TESC: variants seen among roughly 807,000 people sequenced by gnomAD.
TESC encodes the protein calcineurin B homologous protein 3.
In TESC, 19 loss-of-function variants were observed where a neutral mutation model predicts 31.0. That is an observed-to-expected ratio of 0.61 (90% CI 0.43 to 0.90). TESC has a LOEUF of 0.90. Among genes scored for constraint, TESC ranks in the 40% least tolerant of loss-of-function variants. The pLI is 0.00. For synonymous variants in TESC, 109 were observed against 114.8 expected (o/e 0.95, Z 0.32); for missense variants, 248 against 303.8 (o/e 0.82, Z 1.36).
chr12:117,053,684 G>A (rs1434689250), intron 3 of TESC, among the ~76,000 whole-genome samples: 1 of 152,126 alleles, frequency 6.6e-6, no homozygotes, highest in Admixed American at 6.5e-5. Flanking sequence ...CTGGAAACAA[G>A]CCTCGTGCCT....
chr12:117,046,924 G>T lies in TESC; in HGVS notation c.350-86C>A, dbSNP rs1954575795. 3 of 1,416,316 alleles carry T rather than the reference G, an allele frequency of 2.1e-6. No homozygotes were observed. In the South Asian group the frequency reaches 3.7e-5, roughly 17 times the overall value. The allele number at this position is 1,416,316 out of a possible 1,614,324, so 87.7% of individuals were successfully genotyped here. ...GAAATGTACACTAAACTAAGCAAAA[G>T]ACACCAATAACCAAACCTCAATGCC... On this transcript the variant is annotated intron_variant, in intron 4 of 7. Coordinates refer to ENST00000335209, the MANE Select transcript of TESC (RefSeq NM_017899.4).
chr12:117,089,611 T>C (rs540154127), intron 1 of TESC, among the ~76,000 whole-genome samples: 3 of 152,310 alleles, frequency 2.0e-5, no homozygotes, highest in African/African-American at 7.2e-5. Context: ...TTATAAGTCA[T>C]TGCAATTTTT....
chr12:117,096,954 G>T (rs1955404581), intron 1 of TESC, among the ~76,000 whole-genome samples: 1 of 152,148 alleles, frequency 6.6e-6, no homozygotes, highest in African/African-American at 2.4e-5. Flanking sequence ...TCCTCAGGGA[G>T]GACCTCCGGA....
Position 117,086,268 on chromosome 12 carries a change from A to ATTT in TESC, c.59-10931_59-10929dup, listed in dbSNP as rs113210754. Among the ~76,000 whole-genome samples, 512 of 148,130 alleles carry ATTT rather than the reference A, an allele frequency of 3.5e-3. 4 individuals carry two copies. The highest frequency in any genetic ancestry group is 0.012 in the African/African-American group (491 of 40,412). On this transcript the variant is annotated intron_variant, in intron 1 of 7. Transcript: ENST00000335209. ...TAATGCCAATGAATTATACACTTTA[A>ATTT]TTTTTTTTTTTTTAATAGGGATGGG...
At chr12:117,051,811 C>T (rs998696757) in intron 3 of TESC, among the ~76,000 whole-genome samples, 1 of 152,164 alleles carries the variant, frequency 6.6e-6, no homozygotes, top group Non-Finnish European at 1.5e-5. Flanking sequence ...TCCGAGTGCT[C>T]CCGCAGGTCT....
chr12:117,055,059 A>G (rs16947281), intron 3 of TESC, among the ~76,000 whole-genome samples: 46,948 of 152,006 alleles, frequency 0.31, 10,692 homozygotes, highest in African/African-American at 0.65. Context: ...CACTGGCCAA[A>G]GTGCACACCT....
chr12:117,056,756 C>G, intron 3 of TESC, 50 bp downstream of exon 3: 1 of 1,580,146 alleles, frequency 6.3e-7, no homozygotes, highest in South Asian at 1.1e-5. Context: ...CGAGATGTTA[C>G]ACAAGACAAG....
intron 4 of TESC, 120 bp downstream of exon 4, chr12:117,048,890 CCCAAGCCCT>C (rs1369376098): frequency 1.2e-5 from 17 of 1,457,200 alleles, no homozygotes; most frequent in South Asian, 2.4e-5. Context: ...GGCTGGTGGC[CCCAAGCCCT>C]CCAAGCCCCC....
At chr12:117,066,852 C>T (rs1322746157) in intron 2 of TESC, among the ~76,000 whole-genome samples, 1 of 152,112 alleles carries the variant, frequency 6.6e-6, no homozygotes, top group Non-Finnish European at 1.5e-5. Flanking sequence ...CATTTGCAGG[C>T]TTGTAAGCAA....
chr12:117,062,824 C>G (rs947542025), intron 2 of TESC, among the ~76,000 whole-genome samples: 1 of 152,198 alleles, frequency 6.6e-6, no homozygotes, highest in Non-Finnish European at 1.5e-5. Context: ...CTAAAGGTGT[C>G]GCAGCCCAGG....
chr12:117,072,736 G>A (rs1309040464), intron 2 of TESC, among the ~76,000 whole-genome samples: 3 of 152,214 alleles, frequency 2.0e-5, no homozygotes, highest in Non-Finnish European at 2.9e-5. Context: ...CATAGCGGCT[G>A]CAGCTACCAG....
chr12:117,046,274 C>A (rs140402519), intron 6 of TESC, among the ~76,000 whole-genome samples: 2 of 152,188 alleles, frequency 1.3e-5, no homozygotes, highest in African/African-American at 4.8e-5. Context: ...TGAGCACTGA[C>A]TGAGGCCGGG....
At chr12:117,067,418 A>T (rs891114374) in intron 2 of TESC, among the ~76,000 whole-genome samples, 1 of 151,966 alleles carries the variant, frequency 6.6e-6, no homozygotes, top group African/African-American at 2.4e-5. Flanking sequence ...ATTTTTTTTT[A>T]ATTAGCTGGA....
chr12:117,084,884 G>A (rs1393330293), intron 1 of TESC, among the ~76,000 whole-genome samples: 1 of 152,206 alleles, frequency 6.6e-6, no homozygotes, highest in East Asian at 1.9e-4. Context: ...GGGCCCTGAG[G>A]GGCACCCCCA....
chr12:117,081,410 A>G (rs1457749804), intron 1 of TESC, among the ~76,000 whole-genome samples: 1 of 152,226 alleles, frequency 6.6e-6, no homozygotes, highest in African/African-American at 2.4e-5. Context: ...AAAATTTAGA[A>G]TTATATTACA....
chr12:117,057,431 T>C (rs1037675936), intron 2 of TESC, among the ~76,000 whole-genome samples: 1 of 152,180 alleles, frequency 6.6e-6, no homozygotes, highest in Non-Finnish European at 1.5e-5. Context: ...AGAGGTGGAC[T>C]GTACATTCAT....
intron 2 of TESC, among the ~76,000 whole-genome samples, chr12:117,074,322 C>T (rs1955020601): frequency 6.6e-6 from 1 of 152,098 alleles, no homozygotes; most frequent in African/African-American, 2.4e-5. Flanking sequence ...GAGCTATGAT[C>T]ACAACACTGC....
chr12:117,091,290 G>A (rs1481744789), intron 1 of TESC, among the ~76,000 whole-genome samples: 1 of 152,222 alleles, frequency 6.6e-6, no homozygotes, highest in Non-Finnish European at 1.5e-5. Context: ...TCCCAGAACT[G>A]TGAGCCCTTC....
At position 117,099,307 on chromosome 12, in the gene TESC, G is replaced by A; in HGVS notation, c.-25C>T. 7.0e-7 allele frequency: 1 copy of A among 1,423,212 alleles called. No individual in the cohort carries two copies. The highest frequency in any genetic ancestry group is 2.9e-5 in the Admixed American group (1 of 34,506). The allele number at this position is 1,423,212 out of a possible 1,614,324, so 88.2% of individuals were successfully genotyped here. On this transcript the variant is annotated 5_prime_UTR_variant, in exon 1 of 8. Coordinates refer to ENST00000335209, the MANE Select transcript of TESC (RefSeq NM_017899.4). ...TGGTGCCCGCGGCGGGGGCCCCGGG[G>A]CGCGCGTCCCTCTCAGGCCCCGCAC...
Sources: allele counts gnomAD v4.1 joint callset (sites outside exome capture counted in the v4.1 genomes callset), GRCh38; gene constraint gnomAD v4.1.1; transcripts MANE v1.5; gene names NCBI Gene and HGNC (gene_info 2026-07-23, HGNC 2026-07-21).